The following CPEB4 variants were observed in gnomAD, a reference collection of about 807,000 sequenced individuals.
The protein encoded by CPEB4 is cytoplasmic polyadenylation element-binding protein 4.
Under a neutral mutation model 72.5 loss-of-function variants are expected in CPEB4, and 12 were observed. The observed-to-expected ratio is 0.17, with a 90% CI of 0.11 to 0.27. The LOEUF (loss-of-function observed/expected upper bound fraction) is 0.27. CPEB4 is among the 10% of genes least tolerant of loss of function. The probability of loss-of-function intolerance (pLI) is 1.00; values close to 1 mark genes in which losing one functional copy is unlikely to be tolerated. For synonymous variants in CPEB4, 302 were observed against 326.3 expected, an observed-to-expected ratio of 0.93 and a Z score of 0.80; for missense variants, 614 against 908.5, an observed-to-expected ratio of 0.68 and a Z score of 4.17.
chr5:173,949,492 C>G lies in CPEB4; in HGVS notation c.1457-16C>G. The G allele has an allele frequency of 6.4e-7, 1 of 1,562,106 alleles. No homozygotes were observed. The highest frequency in any genetic ancestry group is 8.8e-7 in the Non-Finnish European group (1 of 1,141,618). ...AAAAATATTTAAATCTACTGTTTTC[C>G]TTTGTTGTTTATTAGATGAGATCAC... is the stretch of plus-strand genomic sequence containing the variant. On this transcript the variant is annotated splice_polypyrimidine_tract_variant and intron_variant, in intron 5 of 9. Coordinates refer to ENST00000265085, the MANE Select transcript of CPEB4 (RefSeq NM_030627.4).
intron 1 of CPEB4, among the ~76,000 whole-genome samples, chr5:173,909,954 C>T (rs1156884478): frequency 6.6e-6 from 1 of 150,780 alleles, no homozygotes; most frequent in Non-Finnish European, 1.5e-5. Context: ...GAGCTGAGAT[C>T]GCACCACTGT....
rs1418171142 is a variant in CPEB4, at chr5:173,956,651, C to G, written c.*514C>G. On this transcript the variant is annotated 3_prime_UTR_variant, in exon 10 of 10. Coordinates refer to ENST00000265085, the MANE Select transcript of CPEB4 (RefSeq NM_030627.4). The stretch of plus-strand genomic sequence containing the variant: ...TTTTGTCTCTCTCTTTTTTCCATCC[C>G]TTTTTAATTTTTTTAACAGCAATGG... 7.4e-6 allele frequency: 1 copy of G among 134,560 alleles called. No individual in the cohort carries two copies. The highest frequency in any genetic ancestry group is 1.6e-5 in the Non-Finnish European group (1 of 61,464). 8.3% of individuals were successfully genotyped at this position (134,560 alleles called of 1,614,324 possible).
intron 3 of CPEB4, among the ~76,000 whole-genome samples, chr5:173,941,916 C>T (rs545592911): frequency 6.6e-6 from 1 of 152,274 alleles, no homozygotes; most frequent in East Asian, 1.9e-4. Flanking sequence ...AAACCTCATC[C>T]CCAGCCAAGT....
chr5:173,956,317 A>G lies in CPEB4; in HGVS notation c.*180A>G. ...GTTTTGTAGATTCTTGTGTCACTGC[A>G]AACAATATGAACTCCTTTTTCGTAT... On this transcript the variant is annotated 3_prime_UTR_variant, in exon 10 of 10. Transcript: ENST00000265085. 3.7e-6 allele frequency: 2 copies of G among 540,950 alleles called. No individual in the cohort carries two copies. The highest frequency in any genetic ancestry group is 6.6e-6 in the Non-Finnish European group (2 of 304,492). 33.5% of individuals were successfully genotyped at this position (540,950 alleles called of 1,614,324 possible). A position where few individuals can be genotyped will look rare whatever the true frequency, so the allele number is the denominator to read the frequency against.
chr5:173,899,929 T>C (rs1170381475), intron 1 of CPEB4, among the ~76,000 whole-genome samples: 1 of 152,102 alleles, frequency 6.6e-6, no homozygotes, highest in Non-Finnish European at 1.5e-5. Context: ...CTCCTCTTTG[T>C]GCTTGAGTGT....
At position 173,956,449 on chromosome 5, in the gene CPEB4, G is replaced by A. The variant is rs932584931; in HGVS notation, c.*312G>A. 2 of 261,000 alleles carry A rather than the reference G, an allele frequency of 7.7e-6. No individual in the cohort carries two copies. Among genetic ancestry groups the A allele is most frequent in the Non-Finnish European group, 1.5e-5 (2 of 137,738 alleles). The allele number at this position is 261,000 out of a possible 1,614,324, so 16.2% of individuals were successfully genotyped here. ...GAGGAGAGAGAGAAATATTAAAAGAGAAATGAAACAATAGAGTATTTTGGG... is the reference window on the plus strand; with the variant it reads ...GAGGAGAGAGAGAAATATTAAAAGAAAAATGAAACAATAGAGTATTTTGGG... On this transcript the variant is annotated 3_prime_UTR_variant, in exon 10 of 10. Transcript: ENST00000265085.
At chr5:173,951,777 A>T (rs1263219465) in intron 7 of CPEB4, 47 bp from the exon 8 acceptor site, 1 of 1,101,998 alleles carries the variant, frequency 9.1e-7, no homozygotes, top group East Asian at 2.4e-5. Flanking sequence ...TTTGCCCATG[A>T]ATTGTCTGTA....
intron 3 of CPEB4, among the ~76,000 whole-genome samples, chr5:173,942,657 C>G (rs557520629): frequency 6.6e-6 from 1 of 152,284 alleles, no homozygotes; most frequent in African/African-American, 2.4e-5. Context: ...TACTAAATTG[C>G]TAGTTAGCAG....
intron 1 of CPEB4, among the ~76,000 whole-genome samples, chr5:173,895,282 T>C (rs955464132): frequency 1.3e-5 from 2 of 152,210 alleles, no homozygotes; most frequent in Admixed American, 6.5e-5. Context: ...TAGCATTTCT[T>C]TGGAGGGGTG....
Position 173,893,949 on chromosome 5 carries a change from G to A in CPEB4, c.1125+3091G>A, listed in dbSNP as rs147410377. Among the ~76,000 whole-genome samples, 289 of 152,258 alleles carry A rather than the reference G, an allele frequency of 1.9e-3. 1 individual carries two copies. The highest frequency in any genetic ancestry group is 6.7e-3 in the African/African-American group (277 of 41,546). ...CTAAGTTATTTTTGCTTAGCTTAAA[G>A]CTTCATTACATGAATTCAGAGGGCA... On this transcript the variant is annotated intron_variant, in intron 1 of 9. Transcript: ENST00000265085.
At chr5:173,923,765 T>G (rs1349966486) in intron 2 of CPEB4, among the ~76,000 whole-genome samples, 1 of 151,992 alleles carries the variant, frequency 6.6e-6, no homozygotes. Context: ...TTTTGCCGAG[T>G]TTTTTAGAGC....
intron 2 of CPEB4, among the ~76,000 whole-genome samples, chr5:173,925,027 T>C (rs918815615): frequency 1.3e-5 from 2 of 152,168 alleles, no homozygotes; most frequent in African/African-American, 2.4e-5. Flanking sequence ...ATGTGAGGCC[T>C]AGCAGGGGAA....
intron 2 of CPEB4, among the ~76,000 whole-genome samples, chr5:173,917,131 G>A (rs1226976549): frequency 2.0e-5 from 3 of 152,088 alleles, no homozygotes; most frequent in Admixed American, 6.5e-5. Flanking sequence ...GCTAAATTTT[G>A]TCACTTATTT....
At position 173,949,956 on chromosome 5, in the gene CPEB4, C is replaced by A; in HGVS notation, c.1547-4C>A. On this transcript the variant is annotated splice_region_variant and splice_polypyrimidine_tract_variant and intron_variant, in intron 6 of 9. Transcript: ENST00000265085. Reference sequence around the variant, plus strand: ...TGTAAGCCTTCTTTCCCCCTTTTTTCCAGGCTATGCATTCCTGCTGTTTCA... The same window carrying A: ...TGTAAGCCTTCTTTCCCCCTTTTTTACAGGCTATGCATTCCTGCTGTTTCA... 6.3e-7 allele frequency: 1 copy of A among 1,588,988 alleles called. No homozygotes were observed.
chr5:173,955,967 C>T lies in CPEB4; in HGVS notation c.2020C>T (p.Arg674Cys). The T allele has an allele frequency of 1.2e-6, 2 of 1,613,962 alleles. No homozygotes were observed. The highest frequency in any genetic ancestry group is 1.1e-5 in the South Asian group (1 of 91,064). The change falls in exon 10 of 10, where the codon CGT becomes TGT. Residue 674 changes from arginine to cysteine, a missense_variant. This residue lies in a region of CPEB4 where 101 missense variants were observed against 243.1 expected (regional missense o/e 0.42). Coordinates refer to ENST00000265085, the MANE Select transcript of CPEB4 (RefSeq NM_030627.4). The surrounding 1 kb of genome is among the most constrained non-coding windows in gnomAD (Gnocchi z 4.7). ...DQLCDECQGA[R>C]CGGKFAPFFC... The stretch of plus-strand genomic sequence containing the variant: ...GCTGTGTGATGAATGTCAGGGGGCC[C>T]GTTGTGGGGGGAAATTTGCTCCATT...
At chr5:173,907,776 A>G (rs184777855) in intron 1 of CPEB4, among the ~76,000 whole-genome samples, 1 of 152,352 alleles carries the variant, frequency 6.6e-6, no homozygotes, top group South Asian at 2.1e-4. Flanking sequence ...ATAGAAAATG[A>G]TAATTTTTAA....
At position 173,953,158 on chromosome 5, in the gene CPEB4, T is replaced by C; in HGVS notation, c.1848T>C (p.Pro616=). ...GVCYAGIDTD[P]ELKYPKGAGR... is the part of the protein sequence containing the mutation. ...GCTACGCTGGGATTGATACCGACCC[T>C]GAGCTAAAATACCCAAAAGGAGCTG... The change falls in exon 9 of 10, where the codon CCT becomes CCC. Residue 616 remains proline (P), a synonymous_variant. Transcript: ENST00000265085. The C allele has an allele frequency of 2.5e-6, 4 of 1,613,890 alleles. No homozygotes were observed. The highest frequency in any genetic ancestry group is 3.4e-6 in the Non-Finnish European group (4 of 1,179,828).
chr5:173,907,264 T>A (rs1581119584), intron 1 of CPEB4, among the ~76,000 whole-genome samples: 1 of 151,870 alleles, frequency 6.6e-6, no homozygotes, highest in Admixed American at 6.5e-5. Flanking sequence ...AGACTCCGTC[T>A]CAAAACAACA....
rs1207083016 is a variant in CPEB4 at position 173,945,062 on chromosome 5, A to G, written c.1378A>G (p.Ser460Gly). The change falls in exon 5 of 10, where the codon AGT (serine) becomes GGT (glycine). Residue 460 changes from serine to glycine, a missense_variant. By Grantham distance (56) the Ser-to-Gly change is moderately conservative. Around this residue, in one of 5 missense-constraint regions of CPEB4, gnomAD observed 458 missense variants for 548.6 expected, o/e 0.83. Coordinates refer to ENST00000265085, the MANE Select transcript of CPEB4 (RefSeq NM_030627.4). ...HSGLGSPHCF[S>G]HQNGERVERY... ...TGGCCTGGGTTCACCTCACTGCTTC[A>G]GTCACCAGAATGGGGAAAGAGTGGA... 1 of 1,614,006 alleles carries G rather than the reference A, an allele frequency of 6.2e-7. No homozygotes were observed. The highest frequency in any genetic ancestry group is 1.7e-5 in the Admixed American group (1 of 60,012).
Sources: allele counts gnomAD v4.1 joint callset (sites outside exome capture counted in the v4.1 genomes callset), GRCh38; gene constraint gnomAD v4.1.1; regional missense constraint gnomAD v4.1.1; non-coding constraint Gnocchi (gnomAD v3.1); transcripts MANE v1.5; gene names NCBI Gene and HGNC (gene_info 2026-07-23, HGNC 2026-07-21).